HERPUD1: variants seen among roughly 807,000 people sequenced by gnomAD.
The protein encoded by HERPUD1 is homocysteine inducible ER protein with ubiquitin like domain 1.
In HERPUD1, 17 loss-of-function variants were observed where a neutral mutation model predicts 45.0. That is an observed-to-expected ratio of 0.38 (90% CI 0.26 to 0.57). HERPUD1 has a LOEUF of 0.57. Ranked by LOEUF, HERPUD1 falls within the 20% of genes least tolerant of loss-of-function variation. The pLI, the probability that HERPUD1 is intolerant of heterozygous loss-of-function variation, is 0.72. For synonymous variants in HERPUD1, 164 were observed against 177.5 expected (o/e 0.92, Z 0.61); for missense variants, 420 against 490.5 (o/e 0.86, Z 1.36).
intron 3 of HERPUD1, 21 bp downstream of exon 3, chr16:56,935,496 T>G: frequency 6.2e-7 from 1 of 1,600,142 alleles, no homozygotes; most frequent in Non-Finnish European, 8.6e-7. Flanking sequence ...CTCTTCATGA[T>G]GGTAACAATT....
rs768968429 is a variant in HERPUD1 at position 56,942,197 on chromosome 16, C to T, written c.971C>T (p.Pro324Leu). ...CAGAACTTCCCAAATGATGGTCCTC[C>T]TCCTGACGTTGTAAATCAGGACCCC... ...PVQNFPNDGP[P>L]PDVVNQDPNN... is the part of the protein sequence containing the mutation. The change falls in exon 7 of 8, where the codon CCT (proline) becomes CTT (leucine). Residue 324 changes from proline to leucine, a missense_variant. Coordinates refer to ENST00000439977, the MANE Select transcript of HERPUD1 (RefSeq NM_014685.4). 2.5e-6 allele frequency: 4 copies of T among 1,614,128 alleles called. No individual in the cohort carries two copies. The highest frequency in any genetic ancestry group is 3.4e-6 in the Non-Finnish European group (4 of 1,179,980).
Position 56,935,280 on chromosome 16 carries a change from G to A in HERPUD1, c.193G>A (p.Asp65Asn). The change falls in exon 2 of 8, where the codon GAT becomes AAT. Residue 65 changes from aspartate to asparagine, a missense_variant. Physicochemically the swap from Asp to Asn is conservative, Grantham distance 23. Transcript: ENST00000439977. ...AATTTATTCTGGGAAGCTGTTGTTG[G>A]ATCACCAATGTCTCAGGGACTTGCT... is the stretch of plus-strand genomic sequence containing the variant. ...RLIYSGKLLLDHQCLRDLLPK... is the reference protein window; with the variant it reads ...RLIYSGKLLLNHQCLRDLLPK... The A allele has an allele frequency of 6.2e-7, 1 of 1,614,058 alleles. No homozygotes were observed. Among genetic ancestry groups the A allele is most frequent in the Non-Finnish European group, 8.5e-7 (1 of 1,179,906 alleles).
Position 56,932,232 on chromosome 16 carries a change from CGCCGCCGCCGCCATG to C in HERPUD1, c.-11_4del, listed in dbSNP as rs1443261271. The C allele has an allele frequency of 6.2e-7, 1 of 1,603,242 alleles. No individual in the cohort carries two copies. The highest frequency in any genetic ancestry group is 1.1e-5 in the South Asian group (1 of 90,554). The stretch of plus-strand genomic sequence containing the variant: ...TAGGAGCGCAGCGGAGCCCCGACAC[CGCCGCCGCCGCCATG>C]GAGTCCGAGACCGAACCCGAGCCCG... On this transcript the variant is annotated start_lost and 5_prime_UTR_variant, in exon 1 of 8. Transcript: ENST00000439977.
Position 56,935,469 on chromosome 16 carries a change from C to T in HERPUD1, c.294C>T (p.Asn98=), listed in dbSNP as rs150953986. 3.9e-5 allele frequency: 63 copies of T among 1,613,194 alleles called. No individual in the cohort carries two copies. In the African/African-American group the frequency reaches 4.3e-4, roughly 11 times the overall value. Residue 98 remains asparagine (N), a synonymous_variant, in exon 3 of 8, where the codon AAC becomes AAT. Transcript: ENST00000439977. ...GTCCTTCAAAAATGCCAGAAATCAACGCCAAGGTGTGTCTGCCTCTTCATG... is the reference window on the plus strand; with the variant it reads ...GTCCTTCAAAAATGCCAGAAATCAATGCCAAGGTGTGTCTGCCTCTTCATG... ...VKSPSKMPEI[N]AKVAESTEEP...
At chr16:56,941,520 C>T (rs2055909642) in intron 6 of HERPUD1, 1 of 152,186 alleles carries the variant, frequency 6.6e-6, no homozygotes, top group East Asian at 1.9e-4. Flanking sequence ...AAAGCCTGGC[C>T]TAGAGTGATG....
At position 56,940,046 on chromosome 16, in the gene HERPUD1, G is replaced by A. The variant is rs759980062; in HGVS notation, c.706G>A (p.Val236Ile). 1 of 1,614,220 alleles carries A rather than the reference G, an allele frequency of 6.2e-7. No individual in the cohort carries two copies. Among genetic ancestry groups the A allele is most frequent in the Non-Finnish European group, 8.5e-7 (1 of 1,180,038 alleles). The change falls in exon 6 of 8, where the codon GTT becomes ATT. Residue 236 changes from valine (V) to isoleucine (I), a missense_variant. Transcript: ENST00000439977. ...TCAGAATGCTGCTCCTCAAGTGGTTGTTAATCCTGGAGCCAATCAAAATTT... is the reference window on the plus strand; with the variant it reads ...TCAGAATGCTGCTCCTCAAGTGGTTATTAATCCTGGAGCCAATCAAAATTT... The part of the protein sequence containing the change: ...ANQNAAPQVV[V>I]NPGANQNLRM...
At chr16:56,937,415 C>T (rs994446411) in intron 4 of HERPUD1, 13 of 152,120 alleles carry the variant, frequency 8.5e-5, no homozygotes, top group African/African-American at 1.7e-4. Context: ...TCCAATTCTC[C>T]GTCCCCCTTT....
chr16:56,939,482 C>T (rs1400914759), intron 5 of HERPUD1, 123 bp downstream of exon 5: 2 of 1,265,654 alleles, frequency 1.6e-6, no homozygotes, highest in Non-Finnish European at 2.2e-6. Context: ...CTGCAGAGCC[C>T]TGCTCTGTTT....
At chr16:56,941,550 A>G (rs1000791053) in intron 6 of HERPUD1, 2 of 152,366 alleles carry the variant, frequency 1.3e-5, no homozygotes, top group Non-Finnish European at 2.9e-5. Context: ...GGTTGAAACT[A>G]AAAGAAGAAA....
rs1257512104 is a variant in HERPUD1 at position 56,943,111 on chromosome 16, T to C, written c.1012-15T>C. 1.2e-6 allele frequency: 2 copies of C among 1,611,348 alleles called. No individual in the cohort carries two copies. Among genetic ancestry groups the C allele is most frequent in the African/African-American group, 2.7e-5 (2 of 74,866 alleles). ...TTCTCATTGTTTCATTACCTCATTG[T>C]TTCATTACCTGTAGGAAGGCACTGA... On this transcript the variant is annotated splice_polypyrimidine_tract_variant and intron_variant, in intron 7 of 7. Transcript: ENST00000439977.
Position 56,943,430 on chromosome 16 carries a change from G to C in HERPUD1, c.*140G>C, listed in dbSNP as rs2055927255. The C allele has an allele frequency of 1.0e-6, 1 of 997,356 alleles. No individual in the cohort carries two copies. The highest frequency in any genetic ancestry group is 1.6e-6 in the Non-Finnish European group (1 of 630,384). The allele number at this position is 997,356 out of a possible 1,614,324, so 61.8% of individuals were successfully genotyped here. A position where few individuals can be genotyped will look rare whatever the true frequency, so the allele number is the denominator to read the frequency against. The stretch of plus-strand genomic sequence containing the variant: ...GATGATGATATGCTTTTGTGAGCAA[G>C]CAAAAGCAGAAACGTGAAGCCGTGA... On this transcript the variant is annotated 3_prime_UTR_variant, in exon 8 of 8. Transcript: ENST00000439977.
intron 4 of HERPUD1, among the ~76,000 whole-genome samples, chr16:56,938,374 T>C (rs1020740566): frequency 7.2e-5 from 11 of 152,088 alleles, no homozygotes; most frequent in Non-Finnish European, 1.3e-4. Context: ...CCATCCTGGC[T>C]AACACGGTGA....
intron 6 of HERPUD1, chr16:56,941,312 A>G (rs1274164417): frequency 6.6e-6 from 1 of 152,188 alleles, no homozygotes; most frequent in East Asian, 1.9e-4. Flanking sequence ...GTAGTTCTCA[A>G]CTGGGGGTGG....
intron 3 of HERPUD1, 161 bp downstream of exon 3, chr16:56,935,636 A>T: frequency 1.6e-6 from 1 of 642,314 alleles, no homozygotes; most frequent in Non-Finnish European, 2.7e-6. Flanking sequence ...TTATCAACAC[A>T]AAGTGATGAG....
At position 56,932,432 on chromosome 16, in the gene HERPUD1, C is replaced by T. The variant is rs1382201818; in HGVS notation, c.147+41C>T. ...ACTTCCCGCCCCTAGGCTGTGGCCC[C>T]CCGCCCTCTGCTGGGGATGCCACGT... On this transcript the variant is annotated intron_variant, in intron 1 of 7. Transcript: ENST00000439977. 1.0e-5 allele frequency: 15 copies of T among 1,485,432 alleles called. No individual in the cohort carries two copies. In the African/African-American group the frequency reaches 1.1e-4, roughly 11 times the overall value. The allele number at this position is 1,485,432 out of a possible 1,614,324, so 92.0% of individuals were successfully genotyped here. A position where few individuals can be genotyped will look rare whatever the true frequency, so the allele number is the denominator to read the frequency against.
chr16:56,938,587 A>G (rs1427843548), intron 4 of HERPUD1, among the ~76,000 whole-genome samples: 1 of 150,414 alleles, frequency 6.6e-6, no homozygotes, highest in African/African-American at 2.4e-5. Context: ...AGAAGCATGC[A>G]TTTGACATCA....
intron 7 of HERPUD1, among the ~76,000 whole-genome samples, chr16:56,942,629 T>C (rs1186084748): frequency 6.6e-6 from 1 of 152,062 alleles, no homozygotes; most frequent in African/African-American, 2.4e-5. Flanking sequence ...CTGAGGCAGG[T>C]AGATCACCTG....
chr16:56,937,953 A>G (rs371412467), intron 4 of HERPUD1, among the ~76,000 whole-genome samples: 1 of 152,240 alleles, frequency 6.6e-6, no homozygotes, highest in Non-Finnish European at 1.5e-5. Flanking sequence ...ACTTAAAACT[A>G]CTTCCCTTAT....
chr16:56,934,851 A>G, intron 1 of HERPUD1: 1 of 212,902 alleles, frequency 4.7e-6, no homozygotes, highest in Non-Finnish European at 9.7e-6. Flanking sequence ...AGTTTGGGTT[A>G]CAGGCACAAG....
Sources: allele counts gnomAD v4.1 joint callset (sites outside exome capture counted in the v4.1 genomes callset), GRCh38; gene constraint gnomAD v4.1.1; transcripts MANE v1.5; gene names NCBI Gene and HGNC (gene_info 2026-07-23, HGNC 2026-07-21).